The following CNIH3 variants were observed in gnomAD, a reference collection of about 807,000 sequenced individuals.
CNIH3 encodes the protein protein cornichon homolog 3.
Under a neutral mutation model 24.1 loss-of-function variants are expected in CNIH3, and 14 were observed. The ratio of observed to expected loss-of-function variants is 0.58; its 90% CI spans 0.38 to 0.91. The LOEUF is 0.91. Ranked by LOEUF, CNIH3 falls within the 40% of genes least tolerant of loss-of-function variation. CNIH3 has a pLI of 0.00. For synonymous variants in CNIH3, 68 were observed against 73.8 expected (o/e 0.92, Z 0.40); for missense variants, 178 against 196.8 (o/e 0.90, Z 0.57).
At chr1:224,595,905 C>T (rs1681958397) in intron 3 of CNIH3, among the ~76,000 whole-genome samples, 2 of 152,202 alleles carry the variant, frequency 1.3e-5, no homozygotes, top group South Asian at 4.1e-4. Context: ...GGTGAGGAAG[C>T]TGCAATAGAA....
At chr1:224,664,232 G>C (rs943089857) in intron 1 of CNIH3, among the ~76,000 whole-genome samples, 19 of 152,176 alleles carry the variant, frequency 1.2e-4, no homozygotes, top group African/African-American at 4.3e-4. Flanking sequence ...GGTCTAGTGA[G>C]TTTCAGTTCC....
intron 5 of CNIH3, among the ~76,000 whole-genome samples, chr1:224,583,837 TG>T (rs1175343179): frequency 6.6e-6 from 1 of 152,218 alleles, no homozygotes; most frequent in Non-Finnish European, 1.5e-5. Context: ...GGATTTCTGG[TG>T]GTGGCAAAGG....
At chr1:224,737,203 C>T (rs549075935) in intron 5 of CNIH3, among the ~76,000 whole-genome samples, 26 of 114,638 alleles carry the variant, frequency 2.3e-4, no homozygotes, top group Admixed American at 4.9e-4. Context: ...AGCGGCTGTG[C>T]GTGCTCCGCT....
intron 1 of CNIH3, among the ~76,000 whole-genome samples, chr1:224,451,118 G>A (rs1675379273): frequency 6.6e-6 from 1 of 152,178 alleles, no homozygotes; most frequent in Non-Finnish European, 1.5e-5. Context: ...CAGTCATGGG[G>A]TATGGCCGAG....
chr1:224,472,831 G>A (rs1235817978), intron 1 of CNIH3, among the ~76,000 whole-genome samples: 1 of 152,096 alleles, frequency 6.6e-6, no homozygotes, highest in Non-Finnish European at 1.5e-5. Context: ...AGAATTACAG[G>A]AGCTTTCCTC....
chr1:224,443,894 T>G (rs1167901648), intron 1 of CNIH3, among the ~76,000 whole-genome samples: 3 of 152,140 alleles, frequency 2.0e-5, no homozygotes, highest in African/African-American at 7.2e-5. Flanking sequence ...TGCTACTACA[T>G]AATCTTATTT....
At chr1:224,449,407 A>G (rs1675298869) in intron 1 of CNIH3, among the ~76,000 whole-genome samples, 1 of 152,090 alleles carries the variant, frequency 6.6e-6, no homozygotes, top group Admixed American at 6.5e-5. Context: ...GTTTGGGTTT[A>G]CATCTTTTTA....
At chr1:224,570,410 C>T (rs1680767113) in intron 4 of CNIH3, among the ~76,000 whole-genome samples, 1 of 152,152 alleles carries the variant, frequency 6.6e-6, no homozygotes, top group Admixed American at 6.6e-5. Flanking sequence ...TAAGTGAGAA[C>T]ATGCGATATT....
At position 224,730,479 on chromosome 1, in the gene CNIH3, CTCCA is replaced by C; in HGVS notation, c.222_225del (p.His75AlafsTer18). 1 of 1,558,220 alleles carries C rather than the reference CTCCA, an allele frequency of 6.4e-7. No homozygotes were observed. The stretch of plus-strand genomic sequence containing the variant: ...CTCTTCAGCTGGTGCTGCCAGAATA[CTCCA>C]TCCATAGCCTCTTCTGCATTATGTT... On this transcript the variant is annotated frameshift_variant, in exon 4 of 6. Transcript: ENST00000272133. LOFTEE classifies it high-confidence loss of function.
chr1:224,570,897 G>A lies in CNIH3; in HGVS notation n.516+4633G>A, dbSNP rs371564769. Among the ~76,000 whole-genome samples the A allele has an allele frequency of 1.9e-4, 29 of 151,932 alleles. No homozygotes were observed. In the East Asian group the frequency reaches 3.9e-3, roughly 20 times the overall value. ...CAATAGGATAGATCCAATAGAAATA[G>A]GATCATATTTCTTTTTTTTTTTTTC... is the stretch of plus-strand genomic sequence containing the variant. On this transcript the variant is annotated intron_variant and non_coding_transcript_variant, in intron 4 of 5. Coordinates refer to the CNIH3 transcript ENST00000471578.
At chr1:224,658,620 A>T (rs1685206081) in intron 1 of CNIH3, among the ~76,000 whole-genome samples, 1 of 151,484 alleles carries the variant, frequency 6.6e-6, no homozygotes, top group Non-Finnish European at 1.5e-5. Flanking sequence ...AAAAAAAAAC[A>T]CCAAATCCCG....
At chr1:224,708,750 C>T (rs976671169) in intron 3 of CNIH3, among the ~76,000 whole-genome samples, 1 of 152,164 alleles carries the variant, frequency 6.6e-6, no homozygotes, top group African/African-American at 2.4e-5. Context: ...ACACGCATGT[C>T]TCTCCTTTTT....
At chr1:224,638,865 T>G (rs1406472755) in intron 1 of CNIH3, among the ~76,000 whole-genome samples, 1 of 152,202 alleles carries the variant, frequency 6.6e-6, no homozygotes, top group African/African-American at 2.4e-5. Context: ...TAACATGCCA[T>G]TATTTATTTT....
intron 1 of CNIH3, among the ~76,000 whole-genome samples, chr1:224,647,545 T>C (rs975507490): frequency 2.6e-5 from 4 of 152,188 alleles, no homozygotes; most frequent in African/African-American, 9.7e-5. Context: ...TGGCCAAGGC[T>C]GTGGCGGGAA....
At chr1:224,503,598 A>C (rs1206043783) in intron 1 of CNIH3, among the ~76,000 whole-genome samples, 1 of 152,164 alleles carries the variant, frequency 6.6e-6, no homozygotes, top group Non-Finnish European at 1.5e-5. Context: ...TCAGGCCTGC[A>C]CAGGGGCGGG....
intron 1 of CNIH3, among the ~76,000 whole-genome samples, chr1:224,641,812 G>T (rs772444886): frequency 6.6e-6 from 1 of 152,128 alleles, no homozygotes; most frequent in African/African-American, 2.4e-5. Context: ...TCTAGGATCG[G>T]GATAATGGCT....
Position 224,739,570 on chromosome 1 carries a change from A to G in CNIH3, c.*214A>G, listed in dbSNP as rs2125254538. On this transcript the variant is annotated 3_prime_UTR_variant, in exon 6 of 6. Transcript: ENST00000272133. The stretch of plus-strand genomic sequence containing the variant: ...GTCACCCTGTTTGTCAATCTTTGGC[A>G]TTCGAATTCCACACACGGGGTCCTA... The G allele has an allele frequency of 2.3e-6, 2 of 870,240 alleles. No homozygotes were observed. The highest frequency in any genetic ancestry group is 2.7e-5 in the East Asian group (1 of 37,108). 53.9% of individuals were successfully genotyped at this position (870,240 alleles called of 1,614,324 possible). A position where few individuals can be genotyped will look rare whatever the true frequency, so the allele number is the denominator to read the frequency against.
At chr1:224,590,654 T>A (rs1264878090), downstream of CNIH3, among the ~76,000 whole-genome samples, 1 of 152,200 alleles carries the variant, frequency 6.6e-6, no homozygotes, top group African/African-American at 2.4e-5. Context: ...AATCTATTCA[T>A]GAGGGTGGAG....
At chr1:224,586,980 C>T (rs1011080609) in intron 5 of CNIH3, among the ~76,000 whole-genome samples, 7 of 152,172 alleles carry the variant, frequency 4.6e-5, no homozygotes, top group Non-Finnish European at 2.9e-5. Flanking sequence ...GACTTCCATC[C>T]TTCAGAACAG....
Sources: allele counts gnomAD v4.1 joint callset (sites outside exome capture counted in the v4.1 genomes callset), GRCh38; gene constraint gnomAD v4.1.1; transcripts MANE v1.5; gene names NCBI Gene and HGNC (gene_info 2026-07-23, HGNC 2026-07-21).